The following SORCS1 variants were observed in gnomAD, a reference collection of about 807,000 sequenced individuals.
The protein encoded by SORCS1 is sortilin related VPS10 domain containing receptor 1.
SORCS1 carries 60 observed loss-of-function variants against 146.1 expected under a neutral mutation model. The ratio of observed to expected loss-of-function variants is 0.41; its 90% confidence interval spans 0.33 to 0.51. The LOEUF is 0.51. Ranked by LOEUF, SORCS1 falls within the 20% of genes least tolerant of loss-of-function variation. SORCS1 has a pLI of 0.21. For synonymous variants in SORCS1, 637 were observed against 584.0 expected, an observed-to-expected ratio of 1.09 and a Z score of -1.31; for missense variants, 1,352 against 1,487.6, an observed-to-expected ratio of 0.91 and a Z score of 1.50.
Position 106,584,194 on chromosome 10 carries a change from C to T in SORCS1, c.3266-4720G>A, listed in dbSNP as rs114543572. On this transcript the variant is annotated intron_variant, in intron 24 of 25. Transcript: ENST00000263054. ...TGGGAATAGCACAGAGAAAGTTTAT[C>T]CAGAATGCAGAATAGGCAGAAAGGC... is the stretch of plus-strand genomic sequence containing the variant. Among the ~76,000 whole-genome samples, 383 of 152,288 alleles carry T rather than the reference C, an allele frequency of 2.5e-3. 2 individuals carry two copies. Among genetic ancestry groups the T allele is most frequent in the African/African-American group, 8.8e-3 (364 of 41,548 alleles).
chr10:106,989,635 A>G (rs1956661068), intron 1 of SORCS1, among the ~76,000 whole-genome samples: 1 of 149,304 alleles, frequency 6.7e-6, no homozygotes, highest in Non-Finnish European at 1.5e-5. Flanking sequence ...ACCATTCCAA[A>G]GCAGAACTTC....
At chr10:106,896,768 C>T (rs1200047710) in intron 2 of SORCS1, among the ~76,000 whole-genome samples, 1 of 151,562 alleles carries the variant, frequency 6.6e-6, no homozygotes, top group Non-Finnish European at 1.5e-5. Flanking sequence ...AATATTAACA[C>T]TTTATATAAC....
intron 3 of SORCS1, among the ~76,000 whole-genome samples, chr10:106,818,259 T>C (rs1947839398): frequency 6.6e-6 from 1 of 152,194 alleles, no homozygotes. Context: ...ATTAATAATG[T>C]CACCACTGCC....
chr10:107,124,517 A>G (rs957254242), intron 1 of SORCS1, among the ~76,000 whole-genome samples: 6 of 152,150 alleles, frequency 3.9e-5, no homozygotes, highest in African/African-American at 1.4e-4. Flanking sequence ...AATGCTCTTA[A>G]CTGAGCACAG....
intron 3 of SORCS1, among the ~76,000 whole-genome samples, chr10:106,791,511 C>A (rs1159085673): frequency 6.6e-6 from 1 of 152,052 alleles, no homozygotes; most frequent in South Asian, 2.1e-4. Context: ...ACCAACCTGG[C>A]CAACACTGTG....
At chr10:106,753,305 G>A (rs555386121) in intron 5 of SORCS1, among the ~76,000 whole-genome samples, 3 of 152,204 alleles carry the variant, frequency 2.0e-5, no homozygotes, top group African/African-American at 7.2e-5. Context: ...GCCATCTCGC[G>A]CCACATTCTC....
intron 18 of SORCS1, among the ~76,000 whole-genome samples, chr10:106,648,179 A>C (rs562251410): frequency 1.3e-4 from 20 of 151,368 alleles, no homozygotes; most frequent in African/African-American, 4.6e-4. Context: ...TTTGTTTTCT[A>C]TTTGTCTCAA....
At chr10:107,059,801 C>T (rs562321008) in intron 1 of SORCS1, among the ~76,000 whole-genome samples, 2 of 152,022 alleles carry the variant, frequency 1.3e-5, no homozygotes, top group South Asian at 4.1e-4. Context: ...TACCATCAAG[C>T]AGGCTTATGA....
intron 8 of SORCS1, among the ~76,000 whole-genome samples, chr10:106,700,049 G>T (rs1042398594): frequency 2.6e-5 from 4 of 152,150 alleles, no homozygotes; most frequent in Admixed American, 6.6e-5. Context: ...TAACCCTCAT[G>T]TTAGTGTGTT....
chr10:106,750,664 A>T (rs371606488), intron 5 of SORCS1, among the ~76,000 whole-genome samples: 24 of 126,560 alleles, frequency 1.9e-4, no homozygotes, highest in African/African-American at 6.2e-4. Context: ...GGGAGACGGA[A>T]CTTGCAGTGA....
intron 1 of SORCS1, among the ~76,000 whole-genome samples, chr10:107,051,149 G>C (rs1434019434): frequency 1.3e-5 from 2 of 152,158 alleles, no homozygotes; most frequent in Non-Finnish European, 2.9e-5. Context: ...GGAGCTTATA[G>C]TTTAGTGGAT....
intron 1 of SORCS1, among the ~76,000 whole-genome samples, chr10:107,140,807 T>C (rs1358847889): frequency 1.3e-5 from 2 of 152,212 alleles, no homozygotes; most frequent in East Asian, 3.8e-4. Context: ...TGATCTCTTG[T>C]AATACTCAAG....
At chr10:106,617,563 C>G (rs1163731522) in intron 21 of SORCS1, among the ~76,000 whole-genome samples, 1 of 152,134 alleles carries the variant, frequency 6.6e-6, no homozygotes, top group East Asian at 1.9e-4. Flanking sequence ...AGTACACATT[C>G]ATTCCATCTA....
At chr10:106,730,992 G>A (rs1168662456) in intron 5 of SORCS1, among the ~76,000 whole-genome samples, 1 of 152,036 alleles carries the variant, frequency 6.6e-6, no homozygotes, top group African/African-American at 2.4e-5. Context: ...CTCAATCAAG[G>A]CTAGAAAATG....
chr10:107,009,337 A>G (rs1218241904), intron 1 of SORCS1, among the ~76,000 whole-genome samples: 1 of 152,220 alleles, frequency 6.6e-6, no homozygotes, highest in Non-Finnish European at 1.5e-5. Flanking sequence ...AGACAATACA[A>G]TATATACTGT....
intron 1 of SORCS1, among the ~76,000 whole-genome samples, chr10:107,112,143 A>G (rs1965738580): frequency 6.6e-6 from 1 of 152,080 alleles, no homozygotes; most frequent in Non-Finnish European, 1.5e-5. Flanking sequence ...TTTTAACCCT[A>G]GTATAAAAGT....
chr10:106,877,535 C>T (rs1026551522), intron 2 of SORCS1, among the ~76,000 whole-genome samples: 7 of 152,068 alleles, frequency 4.6e-5, no homozygotes, highest in African/African-American at 1.7e-4. Flanking sequence ...CATCTCAAAA[C>T]AGAACAAAAC....
upstream of SORCS1, among the ~76,000 whole-genome samples, chr10:107,165,628 ATATT>A (rs775789085): frequency 2.0e-5 from 3 of 152,268 alleles, no homozygotes; most frequent in East Asian, 5.8e-4. This position sits in a 1 kb window ranked among gnomAD's most constrained non-coding sequence, Gnocchi z 4.0. Context: ...AGTTCAATAA[ATATT>A]TATTGTGAGT....
chr10:107,037,108 C>T (rs184440562), intron 1 of SORCS1, among the ~76,000 whole-genome samples: 125 of 152,056 alleles, frequency 8.2e-4, no homozygotes, highest in African/African-American at 2.7e-3. Flanking sequence ...TAGCTGGGCG[C>T]GGTGGAACAC....
Sources: gnomAD v4.1 joint callset for allele counts (sites outside exome capture counted in the v4.1 genomes callset) on GRCh38, gnomAD v4.1.1 for gene constraint, Gnocchi (gnomAD v3.1) non-coding constraint, MANE v1.5 for transcripts, NCBI Gene and HGNC (gene_info 2026-07-23, HGNC 2026-07-21) for gene names.